Variants in ZC3H7A observed in about 807,000 individuals in gnomAD.
The protein encoded by ZC3H7A is zinc finger CCCH-type containing 7A, also known as zinc finger CCCH domain-containing protein 7A.
Under a neutral mutation model 125.5 loss-of-function variants are expected in ZC3H7A, and 44 were observed. The ratio of observed to expected loss-of-function variants is 0.35; its 90% CI spans 0.28 to 0.45. The LOEUF (loss-of-function observed/expected upper bound fraction) is 0.45. Among genes scored for constraint, ZC3H7A ranks in the 20% least tolerant of loss-of-function variants. The pLI, the probability that ZC3H7A is intolerant of heterozygous loss-of-function variation, is 1.00. For missense variants in ZC3H7A, 977 were observed against 1,170.7 expected (o/e 0.83, Z 2.41); for synonymous variants, 399 against 391.2 (o/e 1.02, Z -0.23).
chr16:11,782,723 C>T (rs2053193750), intron 1 of ZC3H7A: 1 of 163,538 alleles, frequency 6.1e-6, no homozygotes, highest in South Asian at 1.5e-4. Context: ...TCAAGCAATT[C>T]TCCTGTCTCA....
intron 16 of ZC3H7A, 188 bp downstream of exon 16, chr16:11,763,290 T>C (rs2052784599): frequency 4.6e-6 from 2 of 439,330 alleles, no homozygotes; most frequent in African/African-American, 2.0e-5. Flanking sequence ...GTATTTTTTG[T>C]AGAGATGGGG....
chr16:11,750,813 T>C lies in ZC3H7A; in HGVS notation c.*504A>G, dbSNP rs1288172046. 1 of 152,694 alleles carries C rather than the reference T, an allele frequency of 6.5e-6. No homozygotes were observed. Among genetic ancestry groups the C allele is most frequent in the Admixed American group, 6.5e-5 (1 of 15,278 alleles). 9.5% of individuals were successfully genotyped at this position (152,694 alleles called of 1,614,324 possible). On this transcript the variant is annotated 3_prime_UTR_variant, in exon 23 of 23. Coordinates refer to ENST00000355758, the MANE Select transcript of ZC3H7A (RefSeq NM_014153.4). Reference sequence around the variant, plus strand: ...ACAGAAAAATACCCCATTTAACAAATACTAGTGTTAAATGGTTATTTGGCT... The same window carrying C: ...ACAGAAAAATACCCCATTTAACAAACACTAGTGTTAAATGGTTATTTGGCT...
chr16:11,753,981 G>T (rs2052593452), intron 21 of ZC3H7A: 1 of 152,088 alleles, frequency 6.6e-6, no homozygotes, highest in Non-Finnish European at 1.5e-5. Context: ...ACAAGTCGAG[G>T]TGACCTGCTC....
rs1476593827 is a variant in ZC3H7A at position 11,756,348 on chromosome 16, G to A, written c.2451C>T (p.Tyr817=). 4.3e-6 allele frequency: 7 copies of A among 1,613,304 alleles called. No homozygotes were observed. The highest frequency in any genetic ancestry group is 4.5e-5 in the East Asian group (2 of 44,876). ...TTTTTTGACTCTTGAGCCATAGTTC[G>A]TAAAATTGCTCCATATCTTGTACTA... is the stretch of plus-strand genomic sequence containing the variant. ...ENGIQDMEQF[Y]ELWLKSQKNE... Residue 817 remains tyrosine, a synonymous_variant, in exon 21 of 23, where the codon TAC becomes TAT. Coordinates refer to ENST00000355758, the MANE Select transcript of ZC3H7A (RefSeq NM_014153.4).
rs200241879 is a variant in ZC3H7A at position 11,769,784 on chromosome 16, C to CTTTTTTTTTTTTT, written c.1109-702_1109-690dup. Reference sequence around the variant, plus strand: ...AATCAGTAAAGTTTTCAATTGCTTTCTTTTTTTTTTTTTTTTTTTTTTTGA... The same window carrying CTTTTTTTTTTTTT: ...AATCAGTAAAGTTTTCAATTGCTTTCTTTTTTTTTTTTTTTTTTTTTTTTTTTTTTTTTTTTGA... On this transcript the variant is annotated intron_variant, in intron 10 of 22. Transcript: ENST00000355758. Among the ~76,000 whole-genome samples, 518 of 61,588 alleles carry CTTTTTTTTTTTTT rather than the reference C, an allele frequency of 8.4e-3. 77 individuals carry two copies. The highest frequency in any genetic ancestry group is 0.02 in the South Asian group (22 of 1,126). 40.4% of individuals were successfully genotyped at this position (61,588 alleles called of 152,430 possible).
At chr16:11,777,929 G>A (rs2053109422) in intron 4 of ZC3H7A, among the ~76,000 whole-genome samples, 1 of 149,140 alleles carries the variant, frequency 6.7e-6, no homozygotes, top group Non-Finnish European at 1.5e-5. Context: ...TGAGGCAGGA[G>A]AATCTCTTGA....
chr16:11,767,441 C>T lies in ZC3H7A; in HGVS notation c.1498G>A (p.Glu500Lys). The change falls in exon 13 of 23, where the codon GAA becomes AAA. Residue 500 changes from glutamate to lysine, a missense_variant. Transcript: ENST00000355758. The stretch of plus-strand genomic sequence containing the variant: ...CCTTTACATATATAATATGGTCCTT[C>T]ATAATTTGTTTTTGTTGGTCTTGGA... The part of the protein sequence containing the change: ...IRPRPTKTNY[E>K]GPYYICKDVA... 1 of 1,595,670 alleles carries T rather than the reference C, an allele frequency of 6.3e-7. No homozygotes were observed. The highest frequency in any genetic ancestry group is 1.1e-5 in the South Asian group (1 of 90,064).
intron 20 of ZC3H7A, among the ~76,000 whole-genome samples, chr16:11,757,805 G>GC (rs1354311533): frequency 6.6e-6 from 1 of 152,124 alleles, no homozygotes; most frequent in Non-Finnish European, 1.5e-5. Flanking sequence ...AACATGGCAG[G>GC]CAACAGTCAA....
intron 1 of ZC3H7A, among the ~76,000 whole-genome samples, chr16:11,790,988 G>T (rs933631326): frequency 6.6e-6 from 1 of 151,700 alleles, no homozygotes; most frequent in African/African-American, 2.4e-5. Context: ...GAGGAAGATC[G>T]CTTAAGCCCA....
At chr16:11,762,245 G>C (rs1015179006) in intron 17 of ZC3H7A, among the ~76,000 whole-genome samples, 2 of 152,100 alleles carry the variant, frequency 1.3e-5, no homozygotes, top group Non-Finnish European at 2.9e-5. Context: ...GTAGATGATA[G>C]ATGCCAAACT....
intron 9 of ZC3H7A, 71 bp from the exon 10 acceptor site, chr16:11,771,058 C>A: frequency 7.1e-7 from 1 of 1,402,030 alleles, no homozygotes; most frequent in South Asian, 1.3e-5. Flanking sequence ...ACTTTCAACA[C>A]CAGCAAATAA....
chr16:11,777,093 G>C (rs1377272795), intron 4 of ZC3H7A, among the ~76,000 whole-genome samples, 184 bp from the exon 5 acceptor site: 1 of 152,216 alleles, frequency 6.6e-6, no homozygotes, highest in East Asian at 1.9e-4. Context: ...AAAGTAGAAA[G>C]AATATCATGA....
At chr16:11,776,946 A>C (rs1285607821) in intron 4 of ZC3H7A, 37 bp from the exon 5 acceptor site, 1 of 1,508,446 alleles carries the variant, frequency 6.6e-7, no homozygotes, top group South Asian at 1.3e-5. Context: ...TCAGCAATCA[A>C]ACAATTCATT....
At chr16:11,775,753 C>G (rs766662973) in intron 7 of ZC3H7A, 1 of 152,232 alleles carries the variant, frequency 6.6e-6, no homozygotes, top group Admixed American at 6.5e-5. Flanking sequence ...ACTCTTATTG[C>G]ACTGAAACCT....
chr16:11,777,950 C>A (rs931504396), intron 4 of ZC3H7A, among the ~76,000 whole-genome samples: 5 of 147,926 alleles, frequency 3.4e-5, no homozygotes, highest in Non-Finnish European at 7.4e-5. Context: ...ACCCGGGAGA[C>A]GGAGGTTACG....
At chr16:11,780,507 A>AAGCTGATTAAATTATTTT (rs979339851) in intron 3 of ZC3H7A, among the ~76,000 whole-genome samples, 2 of 152,184 alleles carry the variant, frequency 1.3e-5, no homozygotes, top group Non-Finnish European at 2.9e-5. Context: ...ATTCCTGTCT[A>AAGCTGATTAAATTATTTT]AGCTGATTAA....
At chr16:11,795,831 T>C (rs1429382768) in intron 1 of ZC3H7A, among the ~76,000 whole-genome samples, 8 of 152,194 alleles carry the variant, frequency 5.3e-5, no homozygotes, top group Non-Finnish European at 1.0e-4. Flanking sequence ...TTTGTTTGTT[T>C]TGAGACAGTG....
At position 11,765,132 on chromosome 16, in the gene ZC3H7A, T is replaced by C; in HGVS notation, c.1741A>G (p.Arg581Gly). The C allele has an allele frequency of 1.9e-6, 3 of 1,573,160 alleles. No homozygotes were observed. The highest frequency in any genetic ancestry group is 2.6e-6 in the Non-Finnish European group (3 of 1,160,954). ...LCEKCFDHKP[R>G]MISKRNKDNS... ...TCTTTATTTCTTTTACTTATCATTC[T>C]AGGCTTATGATCAAAACATTTCTGG... Residue 581 changes from arginine (R) to glycine (G), a missense_variant, in exon 15 of 23, where the codon AGA (arginine) becomes GGA (glycine). Arg to Gly is a moderately radical substitution (Grantham distance 125, BLOSUM62 -2). Coordinates refer to ENST00000355758, the MANE Select transcript of ZC3H7A (RefSeq NM_014153.4). The surrounding 1 kb of genome is among the most constrained non-coding windows in gnomAD (Gnocchi z 4.8).
At position 11,779,880 on chromosome 16, in the gene ZC3H7A, T is replaced by G. The variant is rs574291159; in HGVS notation, c.109-517A>C. Among the ~76,000 whole-genome samples the G allele has an allele frequency of 1.4e-4, 21 of 152,280 alleles. 1 individual carries two copies. The South Asian group carries it at 1.7e-3, about 12-fold the overall frequency. On this transcript the variant is annotated intron_variant, in intron 3 of 22. Coordinates refer to ENST00000355758, the MANE Select transcript of ZC3H7A (RefSeq NM_014153.4). The stretch of plus-strand genomic sequence containing the variant: ...TGGTATCGTTTTGTGTTTATTTATT[T>G]TTTTTAATGGTATCCTCTTTGTATG...
Sources: gnomAD v4.1 joint callset for allele counts (sites outside exome capture counted in the v4.1 genomes callset) on GRCh38, gnomAD v4.1.1 for gene constraint, Gnocchi (gnomAD v3.1) non-coding constraint, MANE v1.5 for transcripts, NCBI Gene and HGNC (gene_info 2026-07-23, HGNC 2026-07-21) for gene names.